TSHZ2: variants seen among roughly 807,000 people sequenced by gnomAD.
TSHZ2 encodes the protein teashirt homolog 2.
In TSHZ2, 21 loss-of-function variants were observed where a neutral mutation model predicts 74.4. That is an observed-to-expected ratio of 0.28 (90% CI 0.20 to 0.41). TSHZ2 has a LOEUF of 0.41. TSHZ2 is among the 10% of genes least tolerant of loss of function. The pLI is 1.00. For missense variants in TSHZ2, 1,244 were observed against 1,293.5 expected (o/e 0.96, Z 0.59); for synonymous variants, 540 against 515.3 (o/e 1.05, Z -0.65).
intron 1 of TSHZ2, among the ~76,000 whole-genome samples, chr20:53,205,200 T>A (rs2123591997): frequency 6.6e-6 from 1 of 152,068 alleles, no homozygotes; most frequent in South Asian, 2.1e-4. Context: ...CCCGAGCAAT[T>A]AACCACTGTG....
At chr20:53,126,229 A>T (rs1986943716) in intron 1 of TSHZ2, among the ~76,000 whole-genome samples, 1 of 152,218 alleles carries the variant, frequency 6.6e-6, no homozygotes, top group Non-Finnish European at 1.5e-5. Flanking sequence ...GATTTGGCAG[A>T]GCGATGTCCA....
At chr20:53,011,866 G>T (rs1043728372) in intron 1 of TSHZ2, among the ~76,000 whole-genome samples, 2 of 152,112 alleles carry the variant, frequency 1.3e-5, no homozygotes, top group African/African-American at 4.8e-5. Flanking sequence ...GTCCCCATCT[G>T]CCTTCCCAAT....
intron 2 of TSHZ2, among the ~76,000 whole-genome samples, chr20:53,449,495 C>T (rs568762694): frequency 6.6e-6 from 1 of 152,170 alleles, no homozygotes; most frequent in Non-Finnish European, 1.5e-5. Flanking sequence ...TGTCCGTGTC[C>T]TCATTGAGTT....
chr20:53,021,818 A>T (rs1038609405), intron 1 of TSHZ2, among the ~76,000 whole-genome samples: 4 of 152,230 alleles, frequency 2.6e-5, no homozygotes, highest in African/African-American at 9.6e-5. Context: ...AGTAACACTG[A>T]TGTATCCAGA....
intron 2 of TSHZ2, among the ~76,000 whole-genome samples, chr20:53,451,188 T>C (rs531260697): frequency 1.3e-5 from 2 of 152,352 alleles, no homozygotes; most frequent in African/African-American, 4.8e-5. Context: ...TCCCCTATGA[T>C]GATTCTTCTG....
At chr20:53,245,727 G>T (rs942112044) in intron 1 of TSHZ2, among the ~76,000 whole-genome samples, 22 of 152,156 alleles carry the variant, frequency 1.4e-4, no homozygotes, top group African/African-American at 5.1e-4. Flanking sequence ...AACCCTACTT[G>T]AATAGTATGG....
At position 53,254,506 on chromosome 20, in the gene TSHZ2, G is replaced by A. The variant is rs528853616; in HGVS notation, c.1048G>A (p.Ala350Thr). The A allele has an allele frequency of 2.5e-5, 41 of 1,613,888 alleles. No individual in the cohort carries two copies. Among genetic ancestry groups the A allele is most frequent in the Admixed American group, 2.5e-4 (15 of 59,992 alleles). ...FADSFSSQKNANLQLSSNNRY... is the reference protein window; with the variant it reads ...FADSFSSQKNTNLQLSSNNRY... ...AGATTCTTTTTCTTCTCAGAAGAACGCCAACTTGCAGTTGTCCTCCAACAA... is the reference window on the plus strand; with the variant it reads ...AGATTCTTTTTCTTCTCAGAAGAACACCAACTTGCAGTTGTCCTCCAACAA... Residue 350 changes from alanine to threonine, a missense_variant, in exon 2 of 3, where the codon GCC becomes ACC. Physicochemically the swap from Ala to Thr is moderately conservative, Grantham distance 58 (BLOSUM62 0). Around this residue, in one of 6 missense-constraint regions of TSHZ2, gnomAD observed 470 missense variants for 456.5 expected, o/e 1.03. Coordinates refer to ENST00000371497, the MANE Select transcript of TSHZ2 (RefSeq NM_173485.6).
intron 1 of TSHZ2, among the ~76,000 whole-genome samples, chr20:53,066,383 T>C (rs1984989338): frequency 6.7e-6 from 1 of 150,028 alleles, no homozygotes; most frequent in Non-Finnish European, 1.5e-5. Context: ...CCCCCCACAA[T>C]TTTCACATTC....
At chr20:53,124,305 A>G (rs573750181) in intron 1 of TSHZ2, among the ~76,000 whole-genome samples, 41 of 152,296 alleles carry the variant, frequency 2.7e-4, no homozygotes, top group African/African-American at 9.9e-4. Context: ...CTGTTGGGCA[A>G]TTTGGGACCC....
chr20:53,294,090 C>T (rs573677161), intron 2 of TSHZ2, among the ~76,000 whole-genome samples: 48 of 152,278 alleles, frequency 3.2e-4, no homozygotes, highest in African/African-American at 1.2e-3. Flanking sequence ...GGTGTAAATA[C>T]TTCCACAGTG....
At chr20:53,236,544 T>A (rs1989943260) in intron 1 of TSHZ2, among the ~76,000 whole-genome samples, 1 of 152,206 alleles carries the variant, frequency 6.6e-6, no homozygotes, top group African/African-American at 2.4e-5. Flanking sequence ...ATGCCACAAG[T>A]AAGCTAGTAC....
chr20:53,396,941 G>T (rs1226537964), intron 2 of TSHZ2, among the ~76,000 whole-genome samples: 5 of 151,294 alleles, frequency 3.3e-5, no homozygotes, highest in African/African-American at 9.7e-5. Flanking sequence ...GCTGAAACTG[G>T]ATCCCTTCCT....
chr20:53,239,300 G>A (rs746116899), intron 1 of TSHZ2, among the ~76,000 whole-genome samples: 5 of 152,190 alleles, frequency 3.3e-5, no homozygotes, highest in African/African-American at 1.2e-4. Context: ...CTCTCAGGAA[G>A]CTGGGACCCT....
intron 1 of TSHZ2, among the ~76,000 whole-genome samples, chr20:53,211,211 C>T (rs755760923): frequency 2.0e-4 from 30 of 152,200 alleles, no homozygotes; most frequent in Middle Eastern, 3.4e-3. Flanking sequence ...GGAAACAGGC[C>T]CAGAGACTTT....
intron 1 of TSHZ2, among the ~76,000 whole-genome samples, chr20:53,006,841 G>A: frequency 6.6e-6 from 1 of 152,002 alleles, no homozygotes; most frequent in East Asian, 1.9e-4. Flanking sequence ...AGGGTGCTAT[G>A]GTTTATTTTG....
At chr20:53,002,407 C>T (rs1326403641) in intron 1 of TSHZ2, among the ~76,000 whole-genome samples, 8 of 152,232 alleles carry the variant, frequency 5.3e-5, no homozygotes, top group African/African-American at 1.7e-4. Context: ...AAGAAACTGT[C>T]ATACATTATC....
At chr20:53,393,304 C>G (rs898789271) in intron 2 of TSHZ2, among the ~76,000 whole-genome samples, 2 of 152,168 alleles carry the variant, frequency 1.3e-5, no homozygotes, top group African/African-American at 4.8e-5. Flanking sequence ...AGTATAATGA[C>G]CTTCAGCTCT....
intron 1 of TSHZ2, among the ~76,000 whole-genome samples, chr20:53,235,680 T>C (rs1989926182): frequency 1.3e-5 from 2 of 152,212 alleles, no homozygotes; most frequent in African/African-American, 4.8e-5. Context: ...TCCCCAATAA[T>C]GAGAGAGATT....
chr20:52,988,511 A>G (rs1981857625), intron 1 of TSHZ2, among the ~76,000 whole-genome samples: 2 of 152,020 alleles, frequency 1.3e-5, no homozygotes, highest in African/African-American at 4.8e-5. Flanking sequence ...CTTCCACAAT[A>G]TAGTATAGAT....
Sources: allele counts gnomAD v4.1 joint callset (sites outside exome capture counted in the v4.1 genomes callset), GRCh38; gene constraint gnomAD v4.1.1; regional missense constraint gnomAD v4.1.1; transcripts MANE v1.5; gene names NCBI Gene and HGNC (gene_info 2026-07-23, HGNC 2026-07-21).